Variants in ANKRD18A observed in about 807,000 individuals in gnomAD.
ANKRD18A encodes the protein ankyrin repeat domain 18A, also known as ankyrin repeat domain-containing protein 18A.
Under a neutral mutation model 110.6 loss-of-function variants are expected in ANKRD18A, and 72 were observed. The ratio of observed to expected loss-of-function variants is 0.65; its 90% CI spans 0.54 to 0.79. The LOEUF is 0.79. ANKRD18A is among the 30% of genes least tolerant of loss of function. The pLI is 0.00. For synonymous variants in ANKRD18A, 305 were observed against 410.3 expected (o/e 0.74, Z 3.10); for missense variants, 934 against 1,163.3 (o/e 0.80, Z 2.87).
chr9:38,590,187 T>TTC (rs1051357780), intron 10 of ANKRD18A, among the ~76,000 whole-genome samples: 1 of 151,150 alleles, frequency 6.6e-6, no homozygotes, highest in East Asian at 1.9e-4. Flanking sequence ...CTCTCTTTCT[T>TTC]TCTCTCTCTC....
intron 8 of ANKRD18A, among the ~76,000 whole-genome samples, chr9:38,600,506 T>C (rs1825073533): frequency 6.6e-6 from 1 of 152,212 alleles, no homozygotes. Context: ...GTGACAGCGC[T>C]TTACAAATTT....
chr9:38,611,207 T>A lies in ANKRD18A; in HGVS notation c.602+8A>T. The A allele has an allele frequency of 6.5e-7, 1 of 1,527,182 alleles. No homozygotes were observed. Among genetic ancestry groups the A allele is most frequent in the Non-Finnish European group, 8.8e-7 (1 of 1,139,992 alleles). The allele number at this position is 1,527,182 out of a possible 1,614,324, so 94.6% of individuals were successfully genotyped here. ...AAAAAAGAAAACAAAAAACAAAAAC[T>A]ATTGCACCTTTTGAAATTGTCAACG... On this transcript the variant is annotated splice_region_variant and intron_variant, in intron 4 of 15. Transcript: ENST00000399703.
chr9:38,573,270 T>A (rs1823730875), intron 15 of ANKRD18A: 1 of 411,820 alleles, frequency 2.4e-6, no homozygotes, highest in Non-Finnish European at 4.2e-6. Flanking sequence ...AGAAAATTAA[T>A]CACATTAAGT....
rs1252626440 is a variant in ANKRD18A, at chr9:38,581,842, G to A, written c.2248-3694C>T. On this transcript the variant is annotated intron_variant, in intron 12 of 15. Coordinates refer to ENST00000399703, the MANE Select transcript of ANKRD18A (RefSeq NM_147195.4). ...GAATATTACCTGATTTTTAAGTGCT[G>A]CACTCCTAAAACTTTTTCTTGGAAT... is the stretch of plus-strand genomic sequence containing the variant. Among the ~76,000 whole-genome samples, 3 of 151,824 alleles carry A rather than the reference G, an allele frequency of 2.0e-5. No homozygotes were observed. The East Asian group carries it at 5.8e-4, about 29-fold the overall frequency.
At chr9:38,617,957 G>A (rs1305285136) in intron 1 of ANKRD18A, among the ~76,000 whole-genome samples, 3 of 152,002 alleles carry the variant, frequency 2.0e-5, no homozygotes, top group Non-Finnish European at 1.5e-5. Flanking sequence ...CAACTATAAT[G>A]AAATGATTAA....
At position 38,573,161 on chromosome 9, in the gene ANKRD18A, T is replaced by C. The variant is rs140483173; in HGVS notation, c.2965-1102A>G. The C allele has an allele frequency of 1.7e-3, 1,897 of 1,092,318 alleles. 26 individuals carry two copies. In the African/African-American group the frequency reaches 0.025, roughly 15 times the overall value. The allele number at this position is 1,092,318 out of a possible 1,614,324, so 67.7% of individuals were successfully genotyped here. A position where few individuals can be genotyped will look rare whatever the true frequency, so the allele number is the denominator to read the frequency against. On this transcript the variant is annotated intron_variant, in intron 15 of 15. Transcript: ENST00000399703. ...TAAGTAAATAATAATAATAATAATG[T>C]TTAAGTTAAACAAGAAATATTATCA...
chr9:38,592,287 C>T (rs752390511), intron 10 of ANKRD18A, among the ~76,000 whole-genome samples: 4 of 152,108 alleles, frequency 2.6e-5, no homozygotes, highest in Non-Finnish European at 5.9e-5. Flanking sequence ...GAAGGATAGG[C>T]GACATTCATG....
chr9:38,612,599 G>A (rs1825678144), intron 3 of ANKRD18A, among the ~76,000 whole-genome samples: 1 of 147,162 alleles, frequency 6.8e-6, no homozygotes, highest in African/African-American at 2.5e-5. Flanking sequence ...CTCACTGCAA[G>A]CTCCACCTCC....
At chr9:38,611,113 T>C in intron 4 of ANKRD18A, 102 bp downstream of exon 4, 2 of 1,437,070 alleles carry the variant, frequency 1.4e-6, no homozygotes, top group South Asian at 1.6e-5. Context: ...CCAATAATTA[T>C]AAGTTTAATC....
chr9:38,597,659 A>G (rs1824946905), intron 8 of ANKRD18A, among the ~76,000 whole-genome samples: 1 of 152,178 alleles, frequency 6.6e-6, no homozygotes, highest in Admixed American at 6.5e-5. Context: ...TTGTCAAATA[A>G]ATTAAAAGTG....
chr9:38,615,524 T>C (rs981519741), intron 3 of ANKRD18A, 70 bp downstream of exon 3: 2 of 1,458,224 alleles, frequency 1.4e-6, no homozygotes, highest in Admixed American at 2.9e-5. Flanking sequence ...GTTCCAAATA[T>C]GAAAAATTGA....
intron 8 of ANKRD18A, among the ~76,000 whole-genome samples, chr9:38,599,890 T>G (rs1297793793): frequency 6.6e-6 from 1 of 152,266 alleles, no homozygotes; most frequent in African/African-American, 2.4e-5. Context: ...TTGCTTCTTT[T>G]GTTTCTCAAA....
chr9:38,590,340 T>G, intron 10 of ANKRD18A, among the ~76,000 whole-genome samples: 1 of 151,702 alleles, frequency 6.6e-6, no homozygotes, highest in Non-Finnish European at 1.5e-5. Flanking sequence ...TCACTGCAAC[T>G]TCCACCTCCT....
At position 38,575,622 on chromosome 9, in the gene ANKRD18A, G is replaced by A; in HGVS notation, c.2818C>T (p.Leu940Phe). The change falls in exon 15 of 16, where the codon CTT (leucine) becomes TTT (phenylalanine). Residue 940 changes from leucine (L) to phenylalanine (F), a missense_variant. This residue lies in a region of ANKRD18A where 223 missense variants were observed against 226.7 expected (regional missense o/e 0.98). Transcript: ENST00000399703. ...AACTCTGGTTCTGGCCTTGTAGGAA[G>A]AGTGCTGAGAAAATATTTCATCCGC... ...KQRMKYFLST[L>F]PTRPEPELPC... 1.3e-6 allele frequency: 2 copies of A among 1,551,680 alleles called. No individual in the cohort carries two copies. The highest frequency in any genetic ancestry group is 8.7e-7 in the Non-Finnish European group (1 of 1,146,872).
rs574787445 is a variant in ANKRD18A, at chr9:38,600,349, CTAAATTAT to C, written c.936+774_936+781del. Among the ~76,000 whole-genome samples, 1,065 of 152,172 alleles carry C rather than the reference CTAAATTAT, an allele frequency of 7.0e-3. 10 individuals are homozygous for C. The highest frequency in any genetic ancestry group is 0.025 in the African/African-American group (1,025 of 41,524). ...GGATTAATTAAAGAGTAGGCAAATG[CTAAATTAT>C]TAGAAGCCAAAATGAATACCAATCA... is the stretch of plus-strand genomic sequence containing the variant. On this transcript the variant is annotated intron_variant, in intron 8 of 15. Transcript: ENST00000399703.
rs763138899 is a variant in ANKRD18A at position 38,603,201 on chromosome 9, T to C, written c.820A>G (p.Met274Val). Residue 274 changes from methionine to valine, a missense_variant, in exon 7 of 16, where the codon ATG becomes GTG. This residue lies in a region of ANKRD18A where 630 missense variants were observed against 797.5 expected (regional missense o/e 0.79). Transcript: ENST00000399703. ...CTTTTTTTCAAATTTGCAGGCTTCA[T>C]AGCTGCTGTTTCTGTCAAACATGCA... ...LRNDNQETAA[M>V]KPANLKKRKE... 1 of 1,551,184 alleles carries C rather than the reference T, an allele frequency of 6.4e-7. No homozygotes were observed. Among genetic ancestry groups the C allele is most frequent in the African/African-American group, 1.4e-5 (1 of 73,140 alleles).
At chr9:38,607,668 C>T (rs966597894) in intron 5 of ANKRD18A, among the ~76,000 whole-genome samples, 175 bp from the exon 6 acceptor site, 2 of 152,026 alleles carry the variant, frequency 1.3e-5, no homozygotes, top group African/African-American at 4.8e-5. Flanking sequence ...TCTAATTGAA[C>T]AAGAAAAACA....
intron 5 of ANKRD18A, among the ~76,000 whole-genome samples, chr9:38,607,932 A>G (rs1825431649): frequency 3.3e-5 from 5 of 152,226 alleles, no homozygotes; most frequent in Admixed American, 3.3e-4. Context: ...TAGTAAAGCA[A>G]TGGAAAAATT....
chr9:38,592,774 C>T (rs981047458), intron 10 of ANKRD18A, among the ~76,000 whole-genome samples: 10 of 151,978 alleles, frequency 6.6e-5, no homozygotes, highest in Admixed American at 1.3e-4. Context: ...CTGATATGTG[C>T]TACAACATGG....
Sources: allele counts gnomAD v4.1 joint callset (sites outside exome capture counted in the v4.1 genomes callset), GRCh38; gene constraint gnomAD v4.1.1; regional missense constraint gnomAD v4.1.1; transcripts MANE v1.5; gene names NCBI Gene and HGNC (gene_info 2026-07-23, HGNC 2026-07-21).